GATAD2A: variants seen among roughly 807,000 people sequenced by gnomAD.
The protein encoded by GATAD2A is GATA zinc finger domain containing 2A.
A neutral mutation model predicts 68.5 loss-of-function variants in GATAD2A; 12 were observed. The ratio of observed to expected loss-of-function variants is 0.18; its 90% CI spans 0.11 to 0.28. The LOEUF (loss-of-function observed/expected upper bound fraction) is 0.28. Among genes scored for constraint, GATAD2A ranks in the 10% least tolerant of loss-of-function variants. The pLI, the probability that GATAD2A is intolerant of heterozygous loss-of-function variation, is 1.00. For synonymous variants in GATAD2A, 410 were observed against 375.3 expected, an observed-to-expected ratio of 1.09 and a Z score of -1.07; for missense variants, 755 against 868.5, an observed-to-expected ratio of 0.87 and a Z score of 1.64.
rs144536356 is a variant in GATAD2A, at chr19:19,411,160, G to A, written c.-7+5141G>A. Among the ~76,000 whole-genome samples the A allele has an allele frequency of 6.8e-4, 103 of 152,328 alleles. 1 individual carries two copies. In the East Asian group the frequency reaches 0.017, roughly 25 times the overall value. On this transcript the variant is annotated intron_variant, in intron 1 of 11. Coordinates refer to ENST00000683918, the MANE Select transcript of GATAD2A (RefSeq NM_001384528.1). ...CTCTCTCCATGTTCCTGTGAAGAAG[G>A]CAAAGTTCCCCACAGGAGGTGATAC...
At chr19:19,439,853 A>T (rs145133449) in intron 1 of GATAD2A, among the ~76,000 whole-genome samples, 138 of 152,146 alleles carry the variant, frequency 9.1e-4, no homozygotes, top group African/African-American at 3.2e-3. Context: ...ATCTCAAAAA[A>T]CAAACAAACA....
Position 19,501,989 on chromosome 19 carries a change from G to C in GATAD2A, c.1524G>C (p.Lys508Asn), listed in dbSNP as rs1600309083. 1 of 1,613,998 alleles carries C rather than the reference G, an allele frequency of 6.2e-7. No homozygotes were observed. The highest frequency in any genetic ancestry group is 2.2e-5 in the East Asian group (1 of 44,870). The part of the protein sequence containing the change: ...VLKQVIKPRR[K>N]LAFRSGEARD... Reference sequence around the variant, plus strand: ...TGTAGGTCATAAAACCCCGGCGTAAGTTGGCGTTCCGCTCAGGAGAGGCCC... The same window carrying C: ...TGTAGGTCATAAAACCCCGGCGTAACTTGGCGTTCCGCTCAGGAGAGGCCC... Residue 508 changes from lysine to asparagine, a missense_variant, in exon 10 of 12, where the codon AAG (lysine) becomes AAC (asparagine). Lys to Asn is a moderately conservative substitution (Grantham distance 94, BLOSUM62 0). Coordinates refer to ENST00000683918, the MANE Select transcript of GATAD2A (RefSeq NM_001384528.1).
intron 2 of GATAD2A, among the ~76,000 whole-genome samples, chr19:19,491,982 A>G (rs1173766699): frequency 6.6e-6 from 1 of 152,224 alleles, no homozygotes; most frequent in African/African-American, 2.4e-5. Context: ...TCCGAGGCAC[A>G]CGGTAGAGGG....
rs1415795552 is a variant in GATAD2A, at chr19:19,506,379, C to T, written c.*905C>T. 1.5e-5 allele frequency: 6 copies of T among 393,092 alleles called. No homozygotes were observed. Among genetic ancestry groups the T allele is most frequent in the Non-Finnish European group, 2.7e-5 (6 of 223,202 alleles). 24.4% of individuals were successfully genotyped at this position (393,092 alleles called of 1,614,324 possible). A position where few individuals can be genotyped will look rare whatever the true frequency, so the allele number is the denominator to read the frequency against. On this transcript the variant is annotated 3_prime_UTR_variant, in exon 12 of 12. Transcript: ENST00000683918. ...GAGGGGGGACTGTCGCGGGGTTTTT[C>T]TGTTGTGGTTTATTTTATTAAATTT...
intron 2 of GATAD2A, among the ~76,000 whole-genome samples, chr19:19,487,812 G>A (rs1186235272): frequency 6.6e-6 from 1 of 152,200 alleles, no homozygotes; most frequent in Non-Finnish European, 1.5e-5. Flanking sequence ...ATGAGTGTTT[G>A]CACAAGGGAC....
chr19:19,462,631 CT>C (rs2057537022), intron 1 of GATAD2A, among the ~76,000 whole-genome samples: 1 of 152,222 alleles, frequency 6.6e-6, no homozygotes, highest in Non-Finnish European at 1.5e-5. Context: ...CCCTGACCTG[CT>C]ACCACAACAG....
chr19:19,461,429 C>CT (rs2057420411), intron 1 of GATAD2A, among the ~76,000 whole-genome samples: 1 of 152,208 alleles, frequency 6.6e-6, no homozygotes, highest in Admixed American at 6.5e-5. Context: ...CCCAAGTCCT[C>CT]TTTAAGAGTT....
intron 1 of GATAD2A, among the ~76,000 whole-genome samples, chr19:19,454,010 C>CT (rs1467495399): frequency 7.3e-6 from 1 of 137,256 alleles, no homozygotes; most frequent in African/African-American, 2.8e-5. Flanking sequence ...TTTTGTTTTG[C>CT]TTTTGAGACA....
Position 19,497,960 on chromosome 19 carries a change from C to T in GATAD2A, c.925-483C>T, listed in dbSNP as rs530425564. On this transcript the variant is annotated intron_variant, in intron 7 of 11. Coordinates refer to ENST00000683918, the MANE Select transcript of GATAD2A (RefSeq NM_001384528.1). Reference sequence around the variant, plus strand: ...CTTCCCCCATCGCCCCATAAGGACTCGGGGACTACCTCAAACATTAGCATC... The same window carrying T: ...CTTCCCCCATCGCCCCATAAGGACTTGGGGACTACCTCAAACATTAGCATC... 6.5e-4 allele frequency among the ~76,000 whole-genome samples: 99 copies of T among 152,264 alleles called. 2 individuals are homozygous for T. The South Asian group carries it at 0.018, about 28-fold the overall frequency.
intron 1 of GATAD2A, chr19:19,440,080 G>A: frequency 2.7e-6 from 1 of 375,460 alleles, no homozygotes. Context: ...GGTGGTGCCT[G>A]AGCCCCTGAG....
At chr19:19,396,087 G>A (rs1433136151) in intron 1 of GATAD2A, among the ~76,000 whole-genome samples, 2 of 152,300 alleles carry the variant, frequency 1.3e-5, no homozygotes. Context: ...TTGGGAGGCT[G>A]AGGCGGGTGG....
chr19:19,412,740 A>G (rs774120277), intron 1 of GATAD2A, among the ~76,000 whole-genome samples: 4 of 152,184 alleles, frequency 2.6e-5, no homozygotes, highest in Non-Finnish European at 4.4e-5. Context: ...AGTCACAGCC[A>G]TTCTGTGCAA....
At chr19:19,410,046 C>T (rs1197176294) in intron 1 of GATAD2A, among the ~76,000 whole-genome samples, 1 of 152,170 alleles carries the variant, frequency 6.6e-6, no homozygotes, top group Non-Finnish European at 1.5e-5. Context: ...GAGAATGTCA[C>T]ACGTTTGCAC....
rs940811166 is a variant in GATAD2A at position 19,507,821 on chromosome 19, CG to C, written c.*2348del. On this transcript the variant is annotated 3_prime_UTR_variant, in exon 12 of 12. Coordinates refer to ENST00000683918, the MANE Select transcript of GATAD2A (RefSeq NM_001384528.1). ...AATCTTTCCTTCATTTCTGCTGTCTCGAACACTCTAGCCCATTATTTCCTTT... is the reference window on the plus strand; with the variant it reads ...AATCTTTCCTTCATTTCTGCTGTCTCAACACTCTAGCCCATTATTTCCTTT... The C allele has an allele frequency of 6.6e-6, 1 of 152,112 alleles. No individual in the cohort carries two copies. Among genetic ancestry groups the C allele is most frequent in the African/African-American group, 2.4e-5 (1 of 41,408 alleles). 9.4% of individuals were successfully genotyped at this position (152,112 alleles called of 1,614,324 possible).
At chr19:19,484,357 G>A (rs1043431077) in intron 2 of GATAD2A, among the ~76,000 whole-genome samples, 2 of 151,968 alleles carry the variant, frequency 1.3e-5, no homozygotes, top group Non-Finnish European at 2.9e-5. Flanking sequence ...GATCACTGGA[G>A]CCCAGGAGTT....
intron 1 of GATAD2A, among the ~76,000 whole-genome samples, chr19:19,419,095 C>T (rs985713600): frequency 6.6e-6 from 1 of 152,122 alleles, no homozygotes; most frequent in Non-Finnish European, 1.5e-5. Context: ...CCGTCCCCTC[C>T]CCCTGGTCTG....
At chr19:19,484,230 G>A (rs562375160) in intron 2 of GATAD2A, among the ~76,000 whole-genome samples, 37 of 152,244 alleles carry the variant, frequency 2.4e-4, no homozygotes, top group African/African-American at 8.4e-4. Flanking sequence ...GTGCTCCAGC[G>A]TAGGCAACAG....
At chr19:19,402,348 G>C (rs2049829823), upstream of GATAD2A, 1 of 151,238 alleles carries the variant, frequency 6.6e-6, no homozygotes, top group Non-Finnish European at 1.5e-5. Context: ...ATGAGCCACT[G>C]TGCCCGGCCT....
At chr19:19,503,091 C>T (rs1216612222) in intron 11 of GATAD2A, among the ~76,000 whole-genome samples, 3 of 152,142 alleles carry the variant, frequency 2.0e-5, no homozygotes, top group Non-Finnish European at 2.9e-5. Flanking sequence ...GAGTCAGGTG[C>T]GGCCCCACCG....
Sources: gnomAD v4.1 joint callset for allele counts (sites outside exome capture counted in the v4.1 genomes callset) on GRCh38, gnomAD v4.1.1 for gene constraint, MANE v1.5 for transcripts, NCBI Gene and HGNC (gene_info 2026-07-23, HGNC 2026-07-21) for gene names.